The following POLR1A variants were observed in gnomAD, a reference collection of about 807,000 sequenced individuals.
The protein encoded by POLR1A is RNA polymerase I subunit A, also known as DNA-directed RNA polymerase I subunit RPA1.
Under a neutral mutation model 205.3 loss-of-function variants are expected in POLR1A, and 84 were observed. That is an observed-to-expected ratio of 0.41 (90% confidence interval 0.34 to 0.49). The LOEUF (loss-of-function observed/expected upper bound fraction) is 0.49, where lower values mean the gene tolerates loss of function less well. Ranked by LOEUF, POLR1A falls within the 20% of genes least tolerant of loss-of-function variation. The pLI, the probability that POLR1A is intolerant of heterozygous loss-of-function variation, is 0.22. For missense variants in POLR1A, 1,645 were observed against 2,204.5 expected, an observed-to-expected ratio of 0.75 and a Z score of 5.08; for synonymous variants, 799 against 863.7, an observed-to-expected ratio of 0.93 and a Z score of 1.31.
chr2:86,074,523 G>T (rs1372683509), intron 12 of POLR1A, among the ~76,000 whole-genome samples: 1 of 152,204 alleles, frequency 6.6e-6, no homozygotes, highest in African/African-American at 2.4e-5. Flanking sequence ...TCGATCATGT[G>T]CTCCTTCCAG....
At chr2:86,046,838 CGAAA>C (rs1553434140) in intron 19 of POLR1A, among the ~76,000 whole-genome samples, 1 of 151,472 alleles carries the variant, frequency 6.6e-6, no homozygotes, top group East Asian at 1.9e-4. Flanking sequence ...CGAAAAAAAA[CGAAA>C]GAAAGAAAGA....
chr2:86,102,240 T>C (rs1488105901), intron 1 of POLR1A, among the ~76,000 whole-genome samples: 2 of 152,244 alleles, frequency 1.3e-5, no homozygotes, highest in Admixed American at 6.5e-5. Context: ...TGCACCATTT[T>C]ACATTCACAC....
At position 86,026,610 on chromosome 2, in the gene POLR1A, G is replaced by A. The variant is rs1672254403; in HGVS notation, c.*813C>T. 6.6e-6 allele frequency: 1 copy of A among 152,404 alleles called. No homozygotes were observed. The highest frequency in any genetic ancestry group is 2.4e-5 in the African/African-American group (1 of 41,448). The allele number at this position is 152,404 out of a possible 1,614,324, so 9.4% of individuals were successfully genotyped here. Reference sequence around the variant, plus strand: ...TAAGCAGGGCCTGTGGGGTGTATGGGGCAGAACATAGGCCTCCACACCAAA... The same window carrying A: ...TAAGCAGGGCCTGTGGGGTGTATGGAGCAGAACATAGGCCTCCACACCAAA... On this transcript the variant is annotated 3_prime_UTR_variant, in exon 34 of 34. Coordinates refer to ENST00000263857, the MANE Select transcript of POLR1A (RefSeq NM_015425.6).
At chr2:86,042,888 TC>T in intron 23 of POLR1A, 85 bp downstream of exon 23, 1 of 934,646 alleles carries the variant, frequency 1.1e-6, no homozygotes, top group Non-Finnish European at 1.8e-6. Context: ...GATTCTACCT[TC>T]TCTTAGGAAA....
chr2:86,036,451 G>A (rs1312520632), intron 27 of POLR1A, among the ~76,000 whole-genome samples: 1 of 151,990 alleles, frequency 6.6e-6, no homozygotes, highest in African/African-American at 2.4e-5. Context: ...AGGGTCTCAT[G>A]ACTCCACAGC....
At chr2:86,064,590 G>A (rs912391779) in intron 14 of POLR1A, among the ~76,000 whole-genome samples, 15 of 150,774 alleles carry the variant, frequency 9.9e-5, no homozygotes, top group Admixed American at 5.9e-4. Flanking sequence ...CAGATTAGTC[G>A]TGAGTATTAA....
At chr2:86,053,572 C>T (rs1032658578) in intron 15 of POLR1A, among the ~76,000 whole-genome samples, 4 of 152,122 alleles carry the variant, frequency 2.6e-5, no homozygotes, top group South Asian at 2.1e-4. Context: ...TTTCTAGCTG[C>T]GTAATGTAGC....
chr2:86,090,386 CAAA>C (rs56810530), intron 3 of POLR1A, among the ~76,000 whole-genome samples: 3,078 of 94,528 alleles, frequency 0.033, 103 homozygotes, highest in African/African-American at 0.1. Context: ...GACACCATCT[CAAA>C]AAAAAAAAAA....
intron 14 of POLR1A, among the ~76,000 whole-genome samples, chr2:86,060,542 T>G (rs550102533): frequency 2.0e-5 from 3 of 152,206 alleles, no homozygotes; most frequent in Admixed American, 2.0e-4. Context: ...ACTCATATAT[T>G]ACTACTTGGT....
chr2:86,061,449 T>G (rs1460008102), intron 14 of POLR1A, among the ~76,000 whole-genome samples: 1 of 152,132 alleles, frequency 6.6e-6, no homozygotes, highest in East Asian at 1.9e-4. Flanking sequence ...TTACAAGCAT[T>G]TTGGAAAACT....
At chr2:86,081,941 G>A (rs1436636914) in intron 7 of POLR1A, among the ~76,000 whole-genome samples, 1 of 152,082 alleles carries the variant, frequency 6.6e-6, no homozygotes, top group African/African-American at 2.4e-5. Flanking sequence ...AGGCAATCCT[G>A]CCACCTCAGC....
intron 3 of POLR1A, among the ~76,000 whole-genome samples, chr2:86,097,597 T>G (rs1283262906): frequency 6.6e-6 from 1 of 152,150 alleles, no homozygotes; most frequent in Non-Finnish European, 1.5e-5. Flanking sequence ...TGCAACAACA[T>G]AGATGGAACT....
At chr2:86,100,578 G>T (rs79305777) in intron 1 of POLR1A, among the ~76,000 whole-genome samples, 1,586 of 150,634 alleles carry the variant, frequency 0.011, 9 homozygotes, top group Non-Finnish European at 0.018. Context: ...CTGTTGCCCA[G>T]GCTAGAGTGT....
chr2:86,041,867 T>C, intron 24 of POLR1A, 22 bp downstream of exon 24: 1 of 1,597,378 alleles, frequency 6.3e-7, no homozygotes, highest in Non-Finnish European at 8.6e-7. Context: ...GCACATGTTG[T>C]GCAACAAATC....
chr2:86,096,022 C>A (rs1250338070), intron 3 of POLR1A, among the ~76,000 whole-genome samples: 1 of 151,988 alleles, frequency 6.6e-6, no homozygotes, highest in African/African-American at 2.4e-5. Context: ...GCCACTGCAC[C>A]CAGCCGACAT....
Position 86,048,967 on chromosome 2 carries a change from G to T in POLR1A, c.2551C>A (p.Leu851Met), listed in dbSNP as rs759415720. 5 of 1,613,724 alleles carry T rather than the reference G, an allele frequency of 3.1e-6. No homozygotes were observed. Among genetic ancestry groups the T allele is most frequent in the Non-Finnish European group, 4.2e-6 (5 of 1,179,674 alleles). ...TTAAAATCCCTCTGGTCCTTGCCCA[G>T]ATGGGCATCCTGCCATTTTCCTCGG... The part of the protein sequence containing the change: ...EVRGKWQDAH[L>M]GKDQRDFNMI... Residue 851 changes from leucine (L) to methionine (M), a missense_variant, in exon 18 of 34, where the codon CTG becomes ATG. Around this residue, in one of 16 missense-constraint regions of POLR1A, gnomAD observed 339 missense variants for 415.1 expected, o/e 0.82. Transcript: ENST00000263857.
chr2:86,039,256 T>C, intron 26 of POLR1A, 71 bp downstream of exon 26: 2 of 1,535,212 alleles, frequency 1.3e-6, no homozygotes, highest in Non-Finnish European at 8.9e-7. Flanking sequence ...GCAAAGCCTG[T>C]TCTTCACACA....
rs1043543120 is a variant in POLR1A at position 86,105,878 on chromosome 2, C to T, written c.-102G>A. On this transcript the variant is annotated 5_prime_UTR_variant, in exon 1 of 34. Coordinates refer to ENST00000263857, the MANE Select transcript of POLR1A (RefSeq NM_015425.6). ...AGCCCGGAGTCACCACGCGATTCAA[C>T]GTGCGCTTGCGCGCGGAAGCGGTCG... The T allele has an allele frequency of 2.8e-6, 3 of 1,076,838 alleles. No individual in the cohort carries two copies. The highest frequency in any genetic ancestry group is 4.3e-5 in the Admixed American group (2 of 46,550). 66.7% of individuals were successfully genotyped at this position (1,076,838 alleles called of 1,614,324 possible). A position where few individuals can be genotyped will look rare whatever the true frequency, so the allele number is the denominator to read the frequency against.
Position 86,093,092 on chromosome 2 carries a change from A to T in POLR1A, c.433-3163T>A, listed in dbSNP as rs568005549. Among the ~76,000 whole-genome samples, 30 of 152,342 alleles carry T rather than the reference A, an allele frequency of 2.0e-4. No homozygotes were observed. The South Asian group carries it at 5.4e-3, about 27-fold the overall frequency. On this transcript the variant is annotated intron_variant, in intron 3 of 33. Coordinates refer to ENST00000263857, the MANE Select transcript of POLR1A (RefSeq NM_015425.6). ...AGTCATTCACCATGTTAGCTGGTTT[A>T]AAAGGAGCCAAATTATCTGAAAATT...
Sources: allele counts gnomAD v4.1 joint callset (sites outside exome capture counted in the v4.1 genomes callset), GRCh38; gene constraint gnomAD v4.1.1; regional missense constraint gnomAD v4.1.1; transcripts MANE v1.5; gene names NCBI Gene and HGNC (gene_info 2026-07-23, HGNC 2026-07-21).